GNAQ: variants seen among roughly 807,000 people sequenced by gnomAD.
GNAQ encodes the protein G protein subunit alpha q, also known as guanine nucleotide-binding protein G(q) subunit alpha.
In GNAQ, 8 loss-of-function variants were observed where a neutral mutation model predicts 43.9. The ratio of observed to expected loss-of-function variants is 0.18; its 90% CI spans 0.11 to 0.33. The LOEUF (loss-of-function observed/expected upper bound fraction) is 0.33, where lower values mean the gene tolerates loss of function less well. GNAQ is among the 10% of genes least tolerant of loss of function. GNAQ has a pLI of 1.00. For synonymous variants in GNAQ, 155 were observed against 170.7 expected, an observed-to-expected ratio of 0.91 and a Z score of 0.71; for missense variants, 158 against 450.8, an observed-to-expected ratio of 0.35 and a Z score of 5.88.
intron 5 of GNAQ, among the ~76,000 whole-genome samples, chr9:77,782,597 A>T (rs940103888): frequency 1.1e-4 from 16 of 152,184 alleles, no homozygotes; most frequent in African/African-American, 3.9e-4. Flanking sequence ...AGTTTCCCTT[A>T]AAAAAACTAA....
At chr9:77,841,903 G>A (rs1372567220) in intron 2 of GNAQ, among the ~76,000 whole-genome samples, 1 of 152,130 alleles carries the variant, frequency 6.6e-6, no homozygotes, top group Non-Finnish European at 1.5e-5. Context: ...TCTTCAAGTT[G>A]GGAGTGCCCT....
intron 1 of GNAQ, among the ~76,000 whole-genome samples, chr9:78,016,316 T>G (rs1440960062): frequency 4.6e-5 from 7 of 152,236 alleles, no homozygotes; most frequent in African/African-American, 1.7e-4. Flanking sequence ...TTATCAGTTC[T>G]GTTCTTTTCC....
chr9:77,799,098 A>G (rs1340154746), intron 3 of GNAQ, among the ~76,000 whole-genome samples: 2 of 152,230 alleles, frequency 1.3e-5, no homozygotes, highest in Non-Finnish European at 1.5e-5. Context: ...ATGACATAAT[A>G]TGATAGAATT....
At chr9:77,948,340 G>A (rs1029581586) in intron 1 of GNAQ, among the ~76,000 whole-genome samples, 1 of 152,178 alleles carries the variant, frequency 6.6e-6, no homozygotes, top group South Asian at 2.1e-4. Flanking sequence ...AACCTCACTG[G>A]ACTGCAGGCT....
chr9:78,025,303 T>G (rs1201165608), intron 1 of GNAQ, among the ~76,000 whole-genome samples: 1 of 152,222 alleles, frequency 6.6e-6, no homozygotes, highest in Non-Finnish European at 1.5e-5. Context: ...TCCTATAATT[T>G]TATCAGTAAC....
At chr9:77,996,845 T>C (rs1053372711) in intron 1 of GNAQ, among the ~76,000 whole-genome samples, 4 of 152,200 alleles carry the variant, frequency 2.6e-5, no homozygotes, top group Admixed American at 1.3e-4. Context: ...TCTGATCTCA[T>C]TAAACTAACA....
intron 2 of GNAQ, among the ~76,000 whole-genome samples, chr9:77,910,338 A>G (rs1828779352): frequency 1.3e-5 from 2 of 152,220 alleles, no homozygotes; most frequent in South Asian, 4.1e-4. Flanking sequence ...AACTGAAAAT[A>G]GATGCATTGT....
chr9:77,953,113 T>C (rs900495253), intron 1 of GNAQ, among the ~76,000 whole-genome samples: 5 of 152,202 alleles, frequency 3.3e-5, no homozygotes, highest in African/African-American at 9.6e-5. Flanking sequence ...GCTAACAATT[T>C]GGACGTGGAG....
intron 2 of GNAQ, among the ~76,000 whole-genome samples, chr9:77,906,359 C>T (rs1044574638): frequency 5.6e-4 from 85 of 152,232 alleles, no homozygotes; most frequent in African/African-American, 1.9e-3. Context: ...GAGTTGGTAA[C>T]GACGTGGTAA....
intron 1 of GNAQ, among the ~76,000 whole-genome samples, chr9:78,024,031 T>C (rs984852952): frequency 6.7e-5 from 10 of 149,970 alleles, no homozygotes; most frequent in African/African-American, 2.3e-4. Flanking sequence ...ACAACTATTT[T>C]ATTTCTAAAG....
At position 78,030,887 on chromosome 9, in the gene GNAQ, CTG is replaced by C. The variant is rs35071779; in HGVS notation, c.136+211_136+212del. On this transcript the variant is annotated intron_variant, in intron 1 of 6. Coordinates refer to ENST00000286548, the MANE Select transcript of GNAQ (RefSeq NM_002072.5). ...ACCCCTGTGCTGCGTGTGTGTGTCG[CTG>C]TGTGTGTGTGTGTGTGTGTGTGTGT... Among the ~76,000 whole-genome samples the C allele has an allele frequency of 0.19, 27,987 of 145,890 alleles. 2,729 individuals are homozygous for C. The highest frequency in any genetic ancestry group is 0.26 in the East Asian group (1,240 of 4,842).
At chr9:77,775,671 T>TA (rs1826296722) in intron 5 of GNAQ, among the ~76,000 whole-genome samples, 1 of 152,202 alleles carries the variant, frequency 6.6e-6, no homozygotes, top group African/African-American at 2.4e-5. Context: ...GTGCTGGGAT[T>TA]ACAGGCATGA....
chr9:77,962,892 C>CAAAAAAAA (rs538653191), intron 1 of GNAQ, among the ~76,000 whole-genome samples: 3 of 55,236 alleles, frequency 5.4e-5, no homozygotes, highest in African/African-American at 7.0e-5. Context: ...AACTTAGTCT[C>CAAAAAAAA]AAAAAAAAAA....
intron 5 of GNAQ, among the ~76,000 whole-genome samples, chr9:77,764,402 T>A (rs1826100049): frequency 6.6e-6 from 1 of 152,170 alleles, no homozygotes; most frequent in Non-Finnish European, 1.5e-5. Flanking sequence ...TTTCCTGTAT[T>A]GTGGATAAAG....
chr9:77,998,326 C>T (rs1287195850), intron 1 of GNAQ, among the ~76,000 whole-genome samples: 1 of 152,210 alleles, frequency 6.6e-6, no homozygotes, highest in Non-Finnish European at 1.5e-5. Context: ...TACATGATAC[C>T]TACTCTTTCA....
chr9:77,909,675 C>T (rs920398906), intron 2 of GNAQ, among the ~76,000 whole-genome samples: 2 of 142,658 alleles, frequency 1.4e-5, no homozygotes, highest in African/African-American at 5.3e-5. Context: ...ACAAATAACA[C>T]AAGATAGTAA....
At chr9:77,838,767 C>G (rs561725927) in intron 2 of GNAQ, among the ~76,000 whole-genome samples, 1 of 151,976 alleles carries the variant, frequency 6.6e-6, no homozygotes, top group Non-Finnish European at 1.5e-5. Flanking sequence ...GATTTGTCTA[C>G]AAAGAGCTAC....
chr9:77,874,367 C>T (rs767527214), intron 2 of GNAQ, among the ~76,000 whole-genome samples: 4 of 152,244 alleles, frequency 2.6e-5, no homozygotes, highest in Middle Eastern at 3.4e-3. Flanking sequence ...CACTGGCCCG[C>T]GTTCCAAGAT....
At chr9:77,802,011 AC>A (rs1470099264) in intron 3 of GNAQ, among the ~76,000 whole-genome samples, 2 of 152,114 alleles carry the variant, frequency 1.3e-5, no homozygotes, top group African/African-American at 4.8e-5. Flanking sequence ...TACTAAAAAT[AC>A]AAAAATTAAC....
Sources: gnomAD v4.1 joint callset for allele counts (sites outside exome capture counted in the v4.1 genomes callset) on GRCh38, gnomAD v4.1.1 for gene constraint, MANE v1.5 for transcripts, NCBI Gene and HGNC (gene_info 2026-07-23, HGNC 2026-07-21) for gene names.